ZNG1E: variants seen among roughly 807,000 people sequenced by gnomAD.
ZNG1E encodes the protein zinc-regulated GTPase metalloprotein activator 1E.
the ZNG1E span, among the ~76,000 whole-genome samples, chr9:65,659,062 A>C: frequency 1.3e-5 from 2 of 152,194 alleles, no homozygotes; most frequent in South Asian, 4.1e-4. Context: ...CAAAAACTGG[A>C]AACAAAGTGA....
the ZNG1E span, among the ~76,000 whole-genome samples, chr9:65,664,476 C>A: frequency 1.9e-5 from 2 of 103,748 alleles, no homozygotes; most frequent in African/African-American, 8.4e-5. Context: ...GTGAGATGTG[C>A]CTTTTGCCTT....
the ZNG1E span, among the ~76,000 whole-genome samples, chr9:65,659,500 A>C: frequency 2.0e-3 from 135 of 67,292 alleles, no homozygotes; most frequent in East Asian, 4.0e-3. Context: ...GTCTCAAAAA[A>C]AAAAAAAAAA....
chr9:65,703,707 T>C, the ZNG1E span: 7 of 969,788 alleles, frequency 7.2e-6, no homozygotes, highest in African/African-American at 1.4e-4. Flanking sequence ...ACTCAGTCTC[T>C]ACTTGAGAAA....
At chr9:65,684,346 A>C in the ZNG1E span, among the ~76,000 whole-genome samples, 2 of 150,418 alleles carry the variant, frequency 1.3e-5, no homozygotes, top group African/African-American at 4.9e-5. Context: ...AGACCAGCCT[A>C]GCCAACATGG....
chr9:65,703,520 C>A, the ZNG1E span: 4 of 935,778 alleles, frequency 4.3e-6, no homozygotes, highest in South Asian at 2.1e-4. Flanking sequence ...AGATTAAATT[C>A]TGTTTTCCAT....
At chr9:65,672,887 C>A in the ZNG1E span, among the ~76,000 whole-genome samples, 1 of 106,572 alleles carries the variant, frequency 9.4e-6, no homozygotes, top group African/African-American at 3.9e-5. Context: ...ATGGAACAGA[C>A]TAAAGGAAAA....
At chr9:65,672,621 G>T in the ZNG1E span, among the ~76,000 whole-genome samples, 4 of 151,626 alleles carry the variant, frequency 2.6e-5, no homozygotes, top group African/African-American at 9.7e-5. Flanking sequence ...GTGCATACCT[G>T]TAATCCCAGC....
At chr9:65,678,538 C>CA in the ZNG1E span, among the ~76,000 whole-genome samples, 312 of 95,932 alleles carry the variant, frequency 3.3e-3, 5 homozygotes, top group Middle Eastern at 5.6e-3. Flanking sequence ...AAATGTCCAA[C>CA]AAAAAAAAAA....
chr9:65,683,796 C>T, the ZNG1E span, among the ~76,000 whole-genome samples: 1 of 152,258 alleles, frequency 6.6e-6, no homozygotes, highest in African/African-American at 2.4e-5. Context: ...TTGAATTAGG[C>T]TATTTTGGTC....
chr9:65,705,087 G>T, the ZNG1E span, among the ~76,000 whole-genome samples: 1 of 150,416 alleles, frequency 6.6e-6, no homozygotes, highest in Non-Finnish European at 1.5e-5. Flanking sequence ...CTCACCTTGA[G>T]TAGTTAAGAT....
chr9:65,716,373 G>A, the ZNG1E span, among the ~76,000 whole-genome samples: 378 of 151,218 alleles, frequency 2.5e-3, no homozygotes, highest in African/African-American at 8.8e-3. Flanking sequence ...GCCTAGGCTG[G>A]TCTCAAACTC....
At chr9:65,704,082 G>A in the ZNG1E span, 215 of 123,514 alleles carry the variant, frequency 1.7e-3, no homozygotes, top group Middle Eastern at 0.023. Flanking sequence ...ATTTTTCTCC[G>A]CTTTACAAAA....
chr9:65,726,805 C>G, the ZNG1E span, among the ~76,000 whole-genome samples: 2 of 21,784 alleles, frequency 9.2e-5, no homozygotes, highest in Admixed American at 1.1e-3. Flanking sequence ...GAAGAGAAAT[C>G]TAAACGTTTG....
chr9:65,664,147 C>A, the ZNG1E span, among the ~76,000 whole-genome samples: 1 of 152,012 alleles, frequency 6.6e-6, no homozygotes, highest in African/African-American at 2.4e-5. Context: ...ATAAAAAATA[C>A]ATATTTACAT....
the ZNG1E span, among the ~76,000 whole-genome samples, chr9:65,660,871 T>C: frequency 6.9e-6 from 1 of 145,244 alleles, no homozygotes; most frequent in Non-Finnish European, 1.5e-5. Flanking sequence ...AAAATTTATA[T>C]ATAAATAAAT....
the ZNG1E span, among the ~76,000 whole-genome samples, chr9:65,663,874 A>G: frequency 6.6e-6 from 1 of 151,938 alleles, no homozygotes; most frequent in African/African-American, 2.4e-5. Context: ...TGTCTCTGTC[A>G]TCTATAGTAC....
the ZNG1E span, among the ~76,000 whole-genome samples, chr9:65,668,005 A>T: frequency 6.9e-6 from 1 of 144,268 alleles, no homozygotes; most frequent in East Asian, 2.0e-4. Flanking sequence ...TCAAAAAAAA[A>T]AAAATGATGA....
chr9:65,700,046 A>G, the ZNG1E span, among the ~76,000 whole-genome samples: 2 of 149,608 alleles, frequency 1.3e-5, no homozygotes, highest in Admixed American at 6.7e-5. Flanking sequence ...AATGAATACA[A>G]TTCATTCACA....
the ZNG1E span, chr9:65,676,025 G>T: frequency 1.2e-6 from 2 of 1,608,014 alleles, no homozygotes; most frequent in African/African-American, 2.7e-5. Flanking sequence ...TCCTGCGGAG[G>T]AGGATTGTCC....
Sources: gnomAD v4.1 joint callset for allele counts (sites outside exome capture counted in the v4.1 genomes callset) on GRCh38, gnomAD v4.1.1 for gene constraint, MANE v1.5 for transcripts, NCBI Gene and HGNC (gene_info 2026-07-23, HGNC 2026-07-21) for gene names.